Variants in CEACAM7 observed in about 807,000 individuals in gnomAD.
The protein encoded by CEACAM7 is CEA cell adhesion molecule 7.
In CEACAM7, 24 loss-of-function variants were observed where a neutral mutation model predicts 25.7. That is an observed-to-expected ratio of 0.93 (90% confidence interval 0.68 to 1.31). The LOEUF (loss-of-function observed/expected upper bound fraction) is 1.31. CEACAM7 is among the 40% of genes most tolerant of loss of function. CEACAM7 has a pLI of 0.00. For synonymous variants in CEACAM7, 144 were observed against 129.4 expected, an observed-to-expected ratio of 1.11 and a Z score of -0.77; for missense variants, 324 against 330.1, an observed-to-expected ratio of 0.98 and a Z score of 0.14.
intron 3 of CEACAM7, among the ~76,000 whole-genome samples, chr19:41,683,351 T>A (rs145622307): frequency 6.6e-6 from 1 of 152,224 alleles, no homozygotes; most frequent in Non-Finnish European, 1.5e-5. Context: ...TGCTCCTAAC[T>A]CGTAAGATAT....
intron 4 of CEACAM7, among the ~76,000 whole-genome samples, chr19:41,677,001 A>G (rs868920473): frequency 2.0e-5 from 3 of 152,336 alleles, no homozygotes; most frequent in Admixed American, 6.5e-5. Flanking sequence ...TGAAGTAGTC[A>G]TATGCTAGGA....
At chr19:41,681,536 A>G (rs2072175724) in intron 3 of CEACAM7, among the ~76,000 whole-genome samples, 1 of 152,240 alleles carries the variant, frequency 6.6e-6, no homozygotes, top group South Asian at 2.1e-4. Context: ...TCAAAAGTCC[A>G]CCGAACGATA....
chr19:41,678,078 C>CATCATG (rs2122717030), intron 3 of CEACAM7, among the ~76,000 whole-genome samples: 1 of 152,252 alleles, frequency 6.6e-6, no homozygotes, highest in South Asian at 2.1e-4. Flanking sequence ...ATCACATCTG[C>CATCATG]ATCATGATCT....
intron 3 of CEACAM7, among the ~76,000 whole-genome samples, chr19:41,681,594 G>A (rs539087515): frequency 1.3e-5 from 2 of 152,256 alleles, no homozygotes; most frequent in African/African-American, 2.4e-5. Context: ...AACTCATTCA[G>A]TCTTAACAGG....
At chr19:41,681,833 G>T (rs1409403522) in intron 3 of CEACAM7, among the ~76,000 whole-genome samples, 2 of 152,234 alleles carry the variant, frequency 1.3e-5, no homozygotes, top group African/African-American at 2.4e-5. Context: ...GGGTTAGAAG[G>T]AGTGGAGAGT....
In CEACAM7 at chr19:41,688,000, C is replaced by G; in HGVS notation, c.64+102G>C. The G allele has an allele frequency of 4.1e-6, 4 of 966,110 alleles. No homozygotes were observed. The South Asian group carries it at 7.2e-5, about 17-fold the overall frequency. The allele number at this position is 966,110 out of a possible 1,614,324, so 59.8% of individuals were successfully genotyped here. Reference sequence around the variant, plus strand: ...GGTGTCCTCTCCCAAAGGACTTCAACAGAAGCCCTTTGTCCCCTCTCAGAG... The same window carrying G: ...GGTGTCCTCTCCCAAAGGACTTCAAGAGAAGCCCTTTGTCCCCTCTCAGAG... On this transcript the variant is annotated intron_variant, in intron 1 of 4. Coordinates refer to ENST00000401731, the MANE Select transcript of CEACAM7 (RefSeq NM_001291485.2).
chr19:41,682,216 G>A (rs1209069190), intron 3 of CEACAM7, among the ~76,000 whole-genome samples: 2 of 152,160 alleles, frequency 1.3e-5, no homozygotes, highest in Admixed American at 6.5e-5. Context: ...TGGAATTACA[G>A]GAATCAGCCA....
chr19:41,686,151 GAACTT>G (rs1242360149), intron 2 of CEACAM7, among the ~76,000 whole-genome samples: 1 of 152,114 alleles, frequency 6.6e-6, no homozygotes, highest in Non-Finnish European at 1.5e-5. Flanking sequence ...GGTGTACAAA[GAACTT>G]ACAGCAGAAA....
intron 2 of CEACAM7, among the ~76,000 whole-genome samples, chr19:41,685,129 C>T (rs1052064309): frequency 5.3e-5 from 8 of 152,180 alleles, no homozygotes; most frequent in South Asian, 2.1e-4. Flanking sequence ...AGCCCCACAG[C>T]GAGACGAGGA....
In CEACAM7 at chr19:41,687,006, G is replaced by T; in HGVS notation, c.280C>A (p.Pro94Thr). ...KNISQENAPGPAHNGRETIYP... is the reference protein window; with the variant it reads ...KNISQENAPGTAHNGRETIYP... ...ATTGTCTCTCGACCGTTGTGTGCGGGCCCTGGGGCATTTTCTTGACTTATA... is the reference window on the plus strand; with the variant it reads ...ATTGTCTCTCGACCGTTGTGTGCGGTCCCTGGGGCATTTTCTTGACTTATA... Residue 94 changes from proline (P) to threonine (T), a missense_variant, in exon 2 of 5, where the codon CCC (proline) becomes ACC (threonine). Coordinates refer to ENST00000401731, the MANE Select transcript of CEACAM7 (RefSeq NM_001291485.2). 6.2e-7 allele frequency: 1 copy of T among 1,613,852 alleles called. No individual in the cohort carries two copies. The highest frequency in any genetic ancestry group is 1.1e-5 in the South Asian group (1 of 91,060).
In CEACAM7 at chr19:41,687,155, T is replaced by C. The variant is rs377462557; in HGVS notation, c.131A>G (p.Asn44Ser). 29 of 1,613,926 alleles carry C rather than the reference T, an allele frequency of 1.8e-5. No homozygotes were observed. The highest frequency in any genetic ancestry group is 1.6e-4 in the Middle Eastern group (1 of 6,082). The change falls in exon 2 of 5, where the codon AAT becomes AGT. Residue 44 changes from asparagine (N) to serine (S), a missense_variant. Physicochemically the swap from Asn to Ser is conservative, Grantham distance 46. Coordinates refer to ENST00000401731, the MANE Select transcript of CEACAM7 (RefSeq NM_001291485.2). Reference sequence around the variant, plus strand: ...AAGGACCTCCTTCCCTTCTGCGACATTGAACGGCACGACATCAATATTGGT... The same window carrying C: ...AAGGACCTCCTTCCCTTCTGCGACACTGAACGGCACGACATCAATATTGGT... ...AQTNIDVVPF[N>S]VAEGKEVLLV...
chr19:41,682,913 G>A, intron 3 of CEACAM7, among the ~76,000 whole-genome samples: 1 of 152,158 alleles, frequency 6.6e-6, no homozygotes, highest in East Asian at 1.9e-4. Flanking sequence ...GGGGCTGAGG[G>A]AGCCCCCTCC....
At position 41,674,743 on chromosome 19, in the gene CEACAM7, CA is replaced by C. The variant is rs1217879582; in HGVS notation, c.*37-5del. 2.9e-5 allele frequency: 5 copies of C among 171,522 alleles called. No homozygotes were observed. The highest frequency in any genetic ancestry group is 5.0e-5 in the Non-Finnish European group (4 of 80,104). The allele number at this position is 171,522 out of a possible 1,614,324, so 10.6% of individuals were successfully genotyped here. On this transcript the variant is annotated splice_region_variant and splice_polypyrimidine_tract_variant and intron_variant, in intron 4 of 4. Transcript: ENST00000401731. ...AGCTAGAAGAATCCAGTCCAGTCTG[CA>C]GGTGGATAATAAAAACTTGAAAACA...
At chr19:41,677,782 C>T (rs533619167) in intron 3 of CEACAM7, among the ~76,000 whole-genome samples, 2 of 152,198 alleles carry the variant, frequency 1.3e-5, no homozygotes, top group East Asian at 3.9e-4. Flanking sequence ...AGACTGATTG[C>T]TAATCTTGTA....
At chr19:41,678,612 T>C (rs1250598352) in intron 3 of CEACAM7, among the ~76,000 whole-genome samples, 2 of 152,102 alleles carry the variant, frequency 1.3e-5, no homozygotes, top group Admixed American at 1.3e-4. Context: ...AGGTAGAAAA[T>C]AGAGGTGGCT....
intron 3 of CEACAM7, among the ~76,000 whole-genome samples, chr19:41,679,006 C>A (rs1247787786): frequency 6.6e-6 from 1 of 151,622 alleles, no homozygotes; most frequent in Non-Finnish European, 1.5e-5. Flanking sequence ...CCAAAGTTAG[C>A]CAATGAAGGA....
In CEACAM7 at chr19:41,683,929, C is replaced by T; in HGVS notation, c.562G>A (p.Val188Ile). 6.2e-7 allele frequency: 1 copy of T among 1,614,164 alleles called. No individual in the cohort carries two copies. Residue 188 changes from valine (V) to isoleucine (I), a missense_variant, in exon 3 of 5, where the codon GTC becomes ATC. Transcript: ENST00000401731. The stretch of plus-strand genomic sequence containing the variant: ...GTGGAGAGCAGCAGCCTGGGACTGA[C>T]CAGGAGGCTCTGATTGTTTACCCAC... ...LWWVNNQSLL[V>I]SPRLLLSTDN...
Position 41,677,459 on chromosome 19 carries a change from C to T in CEACAM7, c.751G>A (p.Ala251Thr), listed in dbSNP as rs1397794790. 23 of 1,613,792 alleles carry T rather than the reference C, an allele frequency of 1.4e-5. No individual in the cohort carries two copies. Among genetic ancestry groups the T allele is most frequent in the East Asian group, 2.2e-5 (1 of 44,902 alleles). Reference sequence around the variant, plus strand: ...AGTACTCCAATCATGATGCTGACAGCGGTCCCAGCTGAGAGGTCAGGTGAA... The same window carrying T: ...AGTACTCCAATCATGATGCTGACAGTGGTCCCAGCTGAGAGGTCAGGTGAA... ...ASSPDLSAGT[A>T]VSIMIGVLAG... The change falls in exon 4 of 5, where the codon GCT becomes ACT. Residue 251 changes from alanine to threonine, a missense_variant. Physicochemically the swap from Ala to Thr is moderately conservative, Grantham distance 58. Transcript: ENST00000401731.
chr19:41,688,131 C>A lies in CEACAM7; in HGVS notation c.35G>T (p.Cys12Phe). Residue 12 changes from cysteine to phenylalanine, a missense_variant, in exon 1 of 5, where the codon TGC becomes TTC. Transcript: ENST00000401731. ...GSPSACPYRV[C>F]IPWQGLLLTA... Reference sequence around the variant, plus strand: ...GAGCAGGAGCCCCTGCCAGGGAATGCACACTCTGTATGGACAGGCTGAAGG... The same window carrying A: ...GAGCAGGAGCCCCTGCCAGGGAATGAACACTCTGTATGGACAGGCTGAAGG... 6.2e-7 allele frequency: 1 copy of A among 1,612,104 alleles called. No homozygotes were observed. The highest frequency in any genetic ancestry group is 8.5e-7 in the Non-Finnish European group (1 of 1,178,822).
Sources: allele counts gnomAD v4.1 joint callset (sites outside exome capture counted in the v4.1 genomes callset), GRCh38; gene constraint gnomAD v4.1.1; transcripts MANE v1.5; gene names NCBI Gene and HGNC (gene_info 2026-07-23, HGNC 2026-07-21).